Variants in NAALADL2 observed in about 807,000 individuals in gnomAD.
NAALADL2 encodes N-acetylated alpha-linked acidic dipeptidase like 2.
A neutral mutation model predicts 87.2 loss-of-function variants in NAALADL2; 76 were observed. The observed-to-expected ratio is 0.87, with a 90% CI of 0.72 to 1.05. NAALADL2 has a LOEUF of 1.05. Among genes scored for constraint, NAALADL2 ranks in the 50% least tolerant of loss-of-function variants. The pLI is 0.00. For missense variants in NAALADL2, 1,089 were observed against 945.8 expected (o/e 1.15, Z -1.99); for synonymous variants, 354 against 331.0 (o/e 1.07, Z -0.75).
intron 12 of NAALADL2, among the ~76,000 whole-genome samples, chr3:175,753,794 G>T (rs1319398702): frequency 6.6e-6 from 1 of 152,150 alleles, no homozygotes; most frequent in African/African-American, 2.4e-5. Context: ...CTTTTGTGAT[G>T]TTTCCCTTTT....
intron 3 of NAALADL2, among the ~76,000 whole-genome samples, chr3:174,767,745 G>T (rs1309527110): frequency 6.6e-6 from 1 of 152,162 alleles, no homozygotes. Flanking sequence ...TCCAAAAATA[G>T]ATTATCAGGA....
chr3:174,504,630 A>T (rs1330219742), intron 1 of NAALADL2, among the ~76,000 whole-genome samples: 1 of 152,136 alleles, frequency 6.6e-6, no homozygotes, highest in East Asian at 1.9e-4. Flanking sequence ...ATGAGAGTTT[A>T]CATCTATTTA....
chr3:174,453,708 A>G (rs1480983622), intron 1 of NAALADL2, among the ~76,000 whole-genome samples: 2 of 152,232 alleles, frequency 1.3e-5, no homozygotes, highest in African/African-American at 4.8e-5. Flanking sequence ...ATAGAAGCAA[A>G]TACTGAGGGC....
chr3:175,286,652 C>G (rs901950157), intron 4 of NAALADL2, among the ~76,000 whole-genome samples: 2 of 152,184 alleles, frequency 1.3e-5, no homozygotes, highest in Admixed American at 6.5e-5. Context: ...GTAATAAGGC[C>G]ATACCTTTTA....
intron 12 of NAALADL2, among the ~76,000 whole-genome samples, chr3:175,740,688 T>A (rs1490152633): frequency 1.3e-5 from 2 of 152,184 alleles, no homozygotes; most frequent in Non-Finnish European, 2.9e-5. Context: ...AGAGCGCATC[T>A]CCCCATGATC....
intron 4 of NAALADL2, among the ~76,000 whole-genome samples, chr3:175,294,449 A>G (rs1756054596): frequency 6.6e-6 from 1 of 152,148 alleles, no homozygotes; most frequent in South Asian, 2.1e-4. Context: ...ACACTTTGGT[A>G]TATTGAGAAT....
intron 10 of NAALADL2, among the ~76,000 whole-genome samples, chr3:175,617,802 C>T (rs367706389): frequency 1.3e-5 from 2 of 152,256 alleles, no homozygotes; most frequent in South Asian, 2.1e-4. Flanking sequence ...CTCTCTCAGC[C>T]CTTCTGGGAA....
chr3:175,250,140 G>A (rs1229961029), intron 3 of NAALADL2, among the ~76,000 whole-genome samples: 1 of 149,580 alleles, frequency 6.7e-6, no homozygotes. Flanking sequence ...CTGCACTCCA[G>A]CCTGGGCAAC....
chr3:174,614,183 C>T (rs978848480), intron 2 of NAALADL2, among the ~76,000 whole-genome samples: 2 of 152,264 alleles, frequency 1.3e-5, no homozygotes, highest in East Asian at 3.9e-4. Flanking sequence ...CCCATAGCTG[C>T]CCCAGCTAGT....
intron 2 of NAALADL2, among the ~76,000 whole-genome samples, chr3:174,560,378 A>G (rs1356656485): frequency 6.6e-6 from 1 of 151,748 alleles, no homozygotes; most frequent in Non-Finnish European, 1.5e-5. Flanking sequence ...TAATTTAGAG[A>G]AAATGAGTAA....
intron 3 of NAALADL2, among the ~76,000 whole-genome samples, chr3:174,784,422 G>C (rs1452191358): frequency 6.6e-6 from 1 of 152,084 alleles, no homozygotes; most frequent in South Asian, 2.1e-4. Context: ...TACTTCATGA[G>C]TCATAATATA....
rs145568646 is a variant in NAALADL2 at position 175,096,700 on chromosome 3, C to T, written c.44-90C>T. ...TTCCCTGTATTATAATCATTAAACA[C>T]TCAATATGGCTTACTGTTTTGTTTT... On this transcript the variant is annotated intron_variant, in intron 1 of 13. Coordinates refer to ENST00000454872, the MANE Select transcript of NAALADL2 (RefSeq NM_207015.3). 9.8e-4 allele frequency: 705 copies of T among 722,710 alleles called. 2 individuals carry two copies. In the African/African-American group the frequency reaches 0.011, roughly 12 times the overall value. The allele number at this position is 722,710 out of a possible 1,614,324, so 44.8% of individuals were successfully genotyped here. A position where few individuals can be genotyped will look rare whatever the true frequency, so the allele number is the denominator to read the frequency against.
chr3:175,618,092 A>G (rs1725597882), intron 10 of NAALADL2, among the ~76,000 whole-genome samples: 1 of 152,208 alleles, frequency 6.6e-6, no homozygotes, highest in Non-Finnish European at 1.5e-5. Context: ...TCTCAGCAGT[A>G]GTCAGGGTTT....
intron 2 of NAALADL2, among the ~76,000 whole-genome samples, chr3:175,224,440 T>C (rs2109380037): frequency 1.3e-5 from 2 of 152,132 alleles, no homozygotes; most frequent in East Asian, 3.9e-4. Context: ...CTAACAAGGG[T>C]TAGAATGTGT....
chr3:175,020,735 T>C (rs1751454629), intron 1 of NAALADL2, among the ~76,000 whole-genome samples: 1 of 152,026 alleles, frequency 6.6e-6, no homozygotes, highest in African/African-American at 2.4e-5. Flanking sequence ...AGTTCAGAAG[T>C]CACCAAAGGC....
At chr3:174,468,384 CTT>C (rs67829845) in intron 1 of NAALADL2, among the ~76,000 whole-genome samples, 9 of 132,668 alleles carry the variant, frequency 6.8e-5, no homozygotes, top group Non-Finnish European at 8.0e-5. Context: ...CTTTCTTTTT[CTT>C]TTTTTTTTTT....
intron 1 of NAALADL2, among the ~76,000 whole-genome samples, chr3:174,492,761 A>G (rs1486968554): frequency 6.6e-6 from 1 of 152,208 alleles, no homozygotes; most frequent in East Asian, 1.9e-4. Context: ...ACTAAGACAA[A>G]ATAAGACAAC....
intron 11 of NAALADL2, among the ~76,000 whole-genome samples, chr3:175,697,432 C>CAA (rs1737975716): frequency 1.4e-5 from 2 of 147,630 alleles, no homozygotes; most frequent in Non-Finnish European, 3.0e-5. Context: ...CACACACACA[C>CAA]AAAACCCTAC....
At chr3:174,772,567 C>G (rs1413864633) in intron 3 of NAALADL2, among the ~76,000 whole-genome samples, 1 of 152,026 alleles carries the variant, frequency 6.6e-6, no homozygotes, top group Admixed American at 6.6e-5. Flanking sequence ...AACTGCAGGC[C>G]CCATTCTGAG....
Sources: allele counts gnomAD v4.1 joint callset (sites outside exome capture counted in the v4.1 genomes callset), GRCh38; gene constraint gnomAD v4.1.1; transcripts MANE v1.5; gene names NCBI Gene and HGNC (gene_info 2026-07-23, HGNC 2026-07-21).